LRRC7: variants seen among roughly 807,000 people sequenced by gnomAD.
LRRC7 encodes the protein leucine-rich repeat-containing protein 7.
In LRRC7, 23 loss-of-function variants were observed where a neutral mutation model predicts 175.7. That is an observed-to-expected ratio of 0.13 (90% CI 0.09 to 0.19). The LOEUF (loss-of-function observed/expected upper bound fraction) is 0.19. LRRC7 is among the 10% of genes least tolerant of loss of function. The pLI is 1.00. For missense variants in LRRC7, 1,354 were observed against 1,904.7 expected, an observed-to-expected ratio of 0.71 and a Z score of 5.38; for synonymous variants, 685 against 680.9, an observed-to-expected ratio of 1.01 and a Z score of -0.09.
chr1:69,793,932 G>A (rs1675417294), intron 4 of LRRC7, among the ~76,000 whole-genome samples: 1 of 152,158 alleles, frequency 6.6e-6, no homozygotes, highest in African/African-American at 2.4e-5. Context: ...TAATTGAGAA[G>A]TTAATAGAAT....
intron 7 of LRRC7, among the ~76,000 whole-genome samples, chr1:69,929,280 T>G (rs1374865893): frequency 6.6e-6 from 1 of 152,212 alleles, no homozygotes; most frequent in Non-Finnish European, 1.5e-5. Context: ...CTTTTCTTGA[T>G]GTCTATGCTT....
At chr1:69,590,639 A>G (rs1480326591) in intron 1 of LRRC7, among the ~76,000 whole-genome samples, 1 of 152,150 alleles carries the variant, frequency 6.6e-6, no homozygotes, top group Admixed American at 6.5e-5. Context: ...ATAGCTTTTC[A>G]TGTCTTTGGG....
chr1:69,731,768 T>A (rs947894437), intron 2 of LRRC7, among the ~76,000 whole-genome samples: 15 of 152,204 alleles, frequency 9.9e-5, no homozygotes, highest in African/African-American at 3.6e-4. Context: ...TATACAAGGA[T>A]TCTCTATTGA....
chr1:69,730,460 C>A (rs1397331109), intron 2 of LRRC7, among the ~76,000 whole-genome samples: 4 of 152,122 alleles, frequency 2.6e-5, no homozygotes, highest in Non-Finnish European at 5.9e-5. Flanking sequence ...AGGGCAGGGA[C>A]AAAATGCCAC....
intron 7 of LRRC7, among the ~76,000 whole-genome samples, chr1:69,895,936 G>T (rs545105857): frequency 1.3e-5 from 2 of 152,146 alleles, no homozygotes; most frequent in Non-Finnish European, 2.9e-5. Flanking sequence ...AAAAGAAGCC[G>T]CAAAGATAAT....
rs1666924587 is a variant in LRRC7, at chr1:70,137,697, C to T, written c.*15810C>T. Among the ~76,000 whole-genome samples the T allele has an allele frequency of 6.6e-6, 1 of 152,238 alleles. No homozygotes were observed. Among genetic ancestry groups the T allele is most frequent in the South Asian group, 2.1e-4 (1 of 4,828 alleles). ...GGAACTATGCAGACATAGATCAAGT[C>T]TCATGCATGTCATTTAGACAGACAG... On this transcript the variant is annotated 3_prime_UTR_variant, in exon 27 of 27. Transcript: ENST00000651989.
chr1:69,669,261 T>C (rs1441371966), intron 1 of LRRC7, among the ~76,000 whole-genome samples: 1 of 152,218 alleles, frequency 6.6e-6, no homozygotes, highest in African/African-American at 2.4e-5. Context: ...AGAACAGATC[T>C]GGTGTTGATG....
At position 69,986,480 on chromosome 1, in the gene LRRC7, T is replaced by A. The variant is rs1653945656; in HGVS notation, c.931+94T>A. ...TTGTCTATAGATATAGGTAATATAC[T>A]GTTAGTCTGATGTTAATAAATTTTA... On this transcript the variant is annotated intron_variant, in intron 10 of 26. Coordinates refer to ENST00000651989, the MANE Select transcript of LRRC7 (RefSeq NM_001370785.2). The A allele has an allele frequency of 4.2e-6, 4 of 963,684 alleles. No homozygotes were observed. In the South Asian group the frequency reaches 1.0e-4, roughly 25 times the overall value. The allele number at this position is 963,684 out of a possible 1,614,324, so 59.7% of individuals were successfully genotyped here. A position where few individuals can be genotyped will look rare whatever the true frequency, so the allele number is the denominator to read the frequency against.
chr1:69,980,905 A>G (rs1490673652), intron 9 of LRRC7, among the ~76,000 whole-genome samples: 4 of 152,250 alleles, frequency 2.6e-5, no homozygotes, highest in Non-Finnish European at 5.9e-5. Flanking sequence ...TTTCAATAGA[A>G]CCCATGTGAA....
intron 3 of LRRC7, among the ~76,000 whole-genome samples, chr1:69,788,133 C>T (rs1199285692): frequency 1.3e-5 from 2 of 152,146 alleles, no homozygotes; most frequent in African/African-American, 2.4e-5. Context: ...AAGCCAATCT[C>T]CCACTCTGTT....
intron 2 of LRRC7, among the ~76,000 whole-genome samples, chr1:69,695,355 A>G (rs1370646479): frequency 6.6e-6 from 1 of 152,230 alleles, no homozygotes; most frequent in Non-Finnish European, 1.5e-5. Flanking sequence ...GCTTCTTCTA[A>G]CAGCCTATCA....
chr1:69,992,143 T>C (rs535391195), intron 10 of LRRC7, among the ~76,000 whole-genome samples: 71 of 152,274 alleles, frequency 4.7e-4, no homozygotes, highest in Admixed American at 2.6e-3. Context: ...GTAGTAATAG[T>C]ACCTGACATA....
chr1:69,772,143 A>C (rs1361297052), intron 3 of LRRC7, among the ~76,000 whole-genome samples: 2 of 152,144 alleles, frequency 1.3e-5, no homozygotes, highest in Non-Finnish European at 2.9e-5. Flanking sequence ...ATAAGAAAAA[A>C]GAAAGAAAAA....
At chr1:69,686,660 T>A (rs1383335467) in intron 2 of LRRC7, among the ~76,000 whole-genome samples, 1 of 151,630 alleles carries the variant, frequency 6.6e-6, no homozygotes, top group Admixed American at 6.6e-5. Flanking sequence ...ACCTAGAGGA[T>A]GTGAAGGAAA....
At chr1:69,791,163 T>G (rs781059923) in intron 3 of LRRC7, among the ~76,000 whole-genome samples, 1 of 151,976 alleles carries the variant, frequency 6.6e-6, no homozygotes, top group Non-Finnish European at 1.5e-5. Flanking sequence ...GAATCAAAAA[T>G]TCTGTCCCAG....
intron 7 of LRRC7, among the ~76,000 whole-genome samples, chr1:69,878,911 A>T (rs952596902): frequency 2.0e-5 from 3 of 148,360 alleles, no homozygotes; most frequent in African/African-American, 7.4e-5. Flanking sequence ...ATATACATAT[A>T]TTTATATATA....
intron 1 of LRRC7, among the ~76,000 whole-genome samples, chr1:69,616,076 A>T (rs1193125564): frequency 6.6e-6 from 1 of 152,050 alleles, no homozygotes; most frequent in Non-Finnish European, 1.5e-5. Context: ...CTCTACTACC[A>T]CTTATGAATC....
chr1:70,018,590 T>C (rs1053701939), intron 14 of LRRC7, 129 bp from the exon 15 acceptor site: 1 of 528,342 alleles, frequency 1.9e-6, no homozygotes, highest in African/African-American at 1.9e-5. Context: ...TATTTCATGT[T>C]GTAATTTCTT....
intron 9 of LRRC7, among the ~76,000 whole-genome samples, chr1:69,983,114 G>A (rs148446400): frequency 1.7e-3 from 260 of 152,290 alleles, no homozygotes; most frequent in African/African-American, 5.4e-3. Flanking sequence ...GTGAACTTAG[G>A]TAACATGATA....
Sources: allele counts gnomAD v4.1 joint callset (sites outside exome capture counted in the v4.1 genomes callset), GRCh38; gene constraint gnomAD v4.1.1; transcripts MANE v1.5; gene names NCBI Gene and HGNC (gene_info 2026-07-23, HGNC 2026-07-21).